ZNF697: variants seen among roughly 807,000 people sequenced by gnomAD.
ZNF697 encodes zinc finger protein 697.
A neutral mutation model predicts 32.4 loss-of-function variants in ZNF697; 23 were observed. That is an observed-to-expected ratio of 0.71 (90% CI 0.51 to 1.01). The LOEUF (loss-of-function observed/expected upper bound fraction) is 1.01. ZNF697 is among the 50% of genes least tolerant of loss of function. ZNF697 has a pLI of 0.00. For missense variants in ZNF697, 930 were observed against 794.0 expected (o/e 1.17, Z -2.06); for synonymous variants, 418 against 337.2 (o/e 1.24, Z -2.62).
chr1:119,622,579 C>A lies in ZNF697; in HGVS notation c.*126G>T. ...TCCCACTTCAGGAAACCCCAAACAC[C>A]AAAGGCTCCCCAGTCACTCTCAGAT... On this transcript the variant is annotated 3_prime_UTR_variant, in exon 3 of 3. Transcript: ENST00000421812. 1 of 1,421,410 alleles carries A rather than the reference C, an allele frequency of 7.0e-7. No homozygotes were observed. 88.0% of individuals were successfully genotyped at this position (1,421,410 alleles called of 1,614,324 possible). A position where few individuals can be genotyped will look rare whatever the true frequency, so the allele number is the denominator to read the frequency against.
intron 1 of ZNF697, among the ~76,000 whole-genome samples, chr1:119,628,872 CAT>C (rs1341270595): frequency 2.6e-5 from 4 of 152,288 alleles, no homozygotes; most frequent in African/African-American, 4.8e-5. Context: ...TGCATACTAA[CAT>C]GTATATTTAC....
intron 1 of ZNF697, among the ~76,000 whole-genome samples, chr1:119,637,423 C>T (rs1648953331): frequency 6.6e-6 from 1 of 152,236 alleles, no homozygotes; most frequent in African/African-American, 2.4e-5. Context: ...GTACATTTTG[C>T]TGTAGAGAAT....
chr1:119,622,681 G>A lies in ZNF697; in HGVS notation c.*24C>T, dbSNP rs201661121. 711 of 1,486,548 alleles carry A rather than the reference G, an allele frequency of 4.8e-4. 1 individual carries two copies. In the African/African-American group the frequency reaches 9.0e-3, roughly 19 times the overall value. 92.1% of individuals were successfully genotyped at this position (1,486,548 alleles called of 1,614,324 possible). ...TCTACCCCCCACAGGCTCCCCAGAC[G>A]GCAGCCTCCCGCGGACCCAGCCCCT... is the stretch of plus-strand genomic sequence containing the variant. On this transcript the variant is annotated 3_prime_UTR_variant, in exon 3 of 3. Coordinates refer to ENST00000421812, the MANE Select transcript of ZNF697 (RefSeq NM_001080470.2).
At chr1:119,637,558 T>C (rs1320714442) in intron 1 of ZNF697, among the ~76,000 whole-genome samples, 1 of 152,230 alleles carries the variant, frequency 6.6e-6, no homozygotes, top group East Asian at 1.9e-4. Flanking sequence ...CACCACATTC[T>C]CCCAACCCGC....
chr1:119,640,368 C>T (rs1462536407), intron 1 of ZNF697, among the ~76,000 whole-genome samples: 1 of 152,176 alleles, frequency 6.6e-6, no homozygotes, highest in East Asian at 1.9e-4. Flanking sequence ...TAGAGACAAC[C>T]TAACTCTCCC....
chr1:119,645,668 G>A lies in ZNF697; in HGVS notation c.-38+2023C>T, dbSNP rs587603778. Reference sequence around the variant, plus strand: ...TCCAGTAAAGGAGAGGGGTAGGTAGGCACTGAATTGTGAAGAATTTTAAAT... The same window carrying A: ...TCCAGTAAAGGAGAGGGGTAGGTAGACACTGAATTGTGAAGAATTTTAAAT... On this transcript the variant is annotated intron_variant, in intron 1 of 2. Coordinates refer to ENST00000421812, the MANE Select transcript of ZNF697 (RefSeq NM_001080470.2). Among the ~76,000 whole-genome samples the A allele has an allele frequency of 4.5e-4, 69 of 152,234 alleles. 1 individual carries two copies. Among genetic ancestry groups the A allele is most frequent in the South Asian group, 3.5e-3 (17 of 4,818 alleles).
rs1458678785 is a variant in ZNF697, at chr1:119,620,488, A to C, written c.*2217T>G. The C allele has an allele frequency of 1.3e-5, 2 of 152,656 alleles. No individual in the cohort carries two copies. Among genetic ancestry groups the C allele is most frequent in the African/African-American group, 4.8e-5 (2 of 41,462 alleles). The allele number at this position is 152,656 out of a possible 1,614,324, so 9.5% of individuals were successfully genotyped here. A position where few individuals can be genotyped will look rare whatever the true frequency, so the allele number is the denominator to read the frequency against. On this transcript the variant is annotated 3_prime_UTR_variant, in exon 3 of 3. Coordinates refer to ENST00000421812, the MANE Select transcript of ZNF697 (RefSeq NM_001080470.2). Reference sequence around the variant, plus strand: ...AAGAGGTAGATGTACATGGAAAGAAACCCACAAAGCAGTAAGATTACCTAG... The same window carrying C: ...AAGAGGTAGATGTACATGGAAAGAACCCCACAAAGCAGTAAGATTACCTAG...
At chr1:119,625,741 G>T in intron 2 of ZNF697, 134 bp downstream of exon 2, 1 of 1,249,620 alleles carries the variant, frequency 8.0e-7, no homozygotes, top group South Asian at 1.5e-5. Context: ...AGGCAAGTCA[G>T]TACAGAATCC....
chr1:119,634,367 G>A (rs1034208418), intron 1 of ZNF697, among the ~76,000 whole-genome samples: 4 of 152,164 alleles, frequency 2.6e-5, no homozygotes, highest in Non-Finnish European at 2.9e-5. Context: ...AATGGCTGGC[G>A]TGTTCCAGCC....
chr1:119,642,839 T>C (rs587713896), intron 1 of ZNF697, among the ~76,000 whole-genome samples: 2 of 149,934 alleles, frequency 1.3e-5, no homozygotes, highest in Admixed American at 1.3e-4. Context: ...AACCACCTTC[T>C]ATTATCAGAA....
chr1:119,623,950 C>G lies in ZNF697; in HGVS notation c.393G>C (p.Glu131Asp), dbSNP rs770912098. The change falls in exon 3 of 3, where the codon GAG becomes GAC. Residue 131 changes from glutamate (E) to aspartate (D), a missense_variant. Coordinates refer to ENST00000421812, the MANE Select transcript of ZNF697 (RefSeq NM_001080470.2). ...CGGGAGGGGCCGGCTGCTCCTCTTC[C>G]TCCTCCAGCCGGTTCTCCCCAGCAC... is the stretch of plus-strand genomic sequence containing the variant. The part of the protein sequence containing the change: ...DESAGENRLE[E>D]EEEQPAPPVL... 6.2e-7 allele frequency: 1 copy of G among 1,601,060 alleles called. No homozygotes were observed. The highest frequency in any genetic ancestry group is 8.5e-7 in the Non-Finnish European group (1 of 1,174,052).
At chr1:119,635,891 A>G (rs745713525) in intron 1 of ZNF697, among the ~76,000 whole-genome samples, 16 of 152,100 alleles carry the variant, frequency 1.1e-4, no homozygotes, top group Admixed American at 2.0e-4. Context: ...TTCATATCAC[A>G]CTACGAAGAG....
chr1:119,623,874 T>C lies in ZNF697; in HGVS notation c.469A>G (p.Lys157Glu). The change falls in exon 3 of 3, where the codon AAG becomes GAG. Residue 157 changes from lysine to glutamate, a missense_variant. Physicochemically the swap from Lys to Glu is moderately conservative, Grantham distance 56. Transcript: ENST00000421812. The stretch of plus-strand genomic sequence containing the variant: ...CGGTGGAAGCGGCGGTGGGCGGGCT[T>C]GTCACCTCGGTGCCGACTCCCCAGG... ...LSLGSRHRGD[K>E]PAHRRFHRLH... 6.5e-7 allele frequency: 1 copy of C among 1,542,374 alleles called. No individual in the cohort carries two copies. The highest frequency in any genetic ancestry group is 1.2e-5 in the South Asian group (1 of 81,962).
chr1:119,635,964 G>T (rs1648909288), intron 1 of ZNF697, among the ~76,000 whole-genome samples: 1 of 151,934 alleles, frequency 6.6e-6, no homozygotes, highest in African/African-American at 2.4e-5. Flanking sequence ...GATATTTTCT[G>T]TTTCAGCCAA....
chr1:119,640,307 G>A (rs1649033154), intron 1 of ZNF697, among the ~76,000 whole-genome samples: 1 of 152,154 alleles, frequency 6.6e-6, no homozygotes, highest in Non-Finnish European at 1.5e-5. Flanking sequence ...GACCTAAAAA[G>A]ACTAGGAAAT....
intron 1 of ZNF697, among the ~76,000 whole-genome samples, chr1:119,646,435 G>A (rs587729784): frequency 6.6e-6 from 1 of 151,290 alleles, no homozygotes; most frequent in East Asian, 1.9e-4. Context: ...TATCCTCATG[G>A]CCTCATCCTA....
intron 1 of ZNF697, among the ~76,000 whole-genome samples, chr1:119,634,356 G>A (rs1648865565): frequency 6.6e-6 from 1 of 152,200 alleles, no homozygotes; most frequent in Admixed American, 6.5e-5. Context: ...TGTTGATGAA[G>A]AATGGCTGGC....
intron 1 of ZNF697, among the ~76,000 whole-genome samples, chr1:119,631,315 C>T (rs1416204887): frequency 6.6e-6 from 1 of 152,262 alleles, no homozygotes. Context: ...GCAGCGGGTC[C>T]ATCTCCTTTG....
chr1:119,624,020 TCAGA>T lies in ZNF697; in HGVS notation c.319_322del (p.Glu108LeufsTer129). ...GAGGCTCCGGGATATGCTGTCAGACTCAGACAGTCCTGGGAACATCGCCATGTCA... is the reference window on the plus strand; with the variant it reads ...GAGGCTCCGGGATATGCTGTCAGACTCAGTCCTGGGAACATCGCCATGTCA... On this transcript the variant is annotated frameshift_variant, in exon 3 of 3. Transcript: ENST00000421812. LOFTEE classifies it low-confidence loss of function (END_TRUNC). 1.9e-6 allele frequency: 3 copies of T among 1,613,328 alleles called. No homozygotes were observed. The highest frequency in any genetic ancestry group is 2.5e-6 in the Non-Finnish European group (3 of 1,179,696).
Sources: allele counts gnomAD v4.1 joint callset (sites outside exome capture counted in the v4.1 genomes callset), GRCh38; gene constraint gnomAD v4.1.1; transcripts MANE v1.5; gene names NCBI Gene and HGNC (gene_info 2026-07-23, HGNC 2026-07-21).